Variants in CNTN3 observed in about 807,000 individuals in gnomAD.
CNTN3 encodes contactin 3, also known as contactin-3.
A neutral mutation model predicts 119.1 loss-of-function variants in CNTN3; 60 were observed. The observed-to-expected ratio is 0.50, with a 90% CI of 0.41 to 0.62. CNTN3 has a LOEUF of 0.62. Ranked by LOEUF, CNTN3 falls within the 20% of genes least tolerant of loss-of-function variation. The pLI is 0.00. For synonymous variants in CNTN3, 450 were observed against 438.7 expected (o/e 1.03, Z -0.32); for missense variants, 1,101 against 1,242.4 (o/e 0.89, Z 1.71).
intron 4 of CNTN3, among the ~76,000 whole-genome samples, chr3:74,468,651 G>A (rs1702506764): frequency 6.6e-6 from 1 of 152,068 alleles, no homozygotes; most frequent in Admixed American, 6.6e-5. Flanking sequence ...CCACAGCTGA[G>A]AACAAAACAA....
At chr3:74,546,921 AT>A (rs1434878171) in intron 1 of CNTN3, among the ~76,000 whole-genome samples, 1 of 152,094 alleles carries the variant, frequency 6.6e-6, no homozygotes, top group East Asian at 1.9e-4. Flanking sequence ...CAAGTTTTCC[AT>A]TTACTTTATT....
At chr3:74,565,637 C>A (rs1704214900) in intron 1 of CNTN3, among the ~76,000 whole-genome samples, 1 of 152,144 alleles carries the variant, frequency 6.6e-6, no homozygotes, top group Admixed American at 6.6e-5. Context: ...TTTTCACTCA[C>A]AACCTCCAAC....
At position 74,608,630 on chromosome 3, in the gene CNTN3, A is replaced by T. The variant is rs186037253; in HGVS notation, c.-81+5761T>A. 7.0e-3 allele frequency among the ~76,000 whole-genome samples: 1,072 copies of T among 152,228 alleles called. 7 individuals carry two copies. The highest frequency in any genetic ancestry group is 8.7e-3 in the Non-Finnish European group (595 of 68,012). On this transcript the variant is annotated intron_variant, in intron 1 of 22. Transcript: ENST00000263665. ...TCAACTAATGATTTGTCACTCAGAA[A>T]CTCTGCAAAATAAAATAAAATCTTT...
chr3:74,297,474 G>T (rs1409237054), intron 18 of CNTN3, among the ~76,000 whole-genome samples: 1 of 152,030 alleles, frequency 6.6e-6, no homozygotes, highest in African/African-American at 2.4e-5. Context: ...AGAGTGGGCT[G>T]GAGTGGAAAG....
intron 1 of CNTN3, among the ~76,000 whole-genome samples, chr3:74,573,874 T>C (rs1704372658): frequency 6.6e-6 from 1 of 152,136 alleles, no homozygotes; most frequent in Non-Finnish European, 1.5e-5. Flanking sequence ...GCAAACTCTC[T>C]GGAAAACAGG....
intron 1 of CNTN3, among the ~76,000 whole-genome samples, chr3:74,604,432 A>C (rs1704960755): frequency 1.3e-5 from 2 of 152,180 alleles, no homozygotes; most frequent in South Asian, 2.1e-4. Context: ...GTTAATATTC[A>C]GAATGTATAA....
At chr3:74,507,813 G>C (rs1371030161) in intron 2 of CNTN3, among the ~76,000 whole-genome samples, 1 of 151,714 alleles carries the variant, frequency 6.6e-6, no homozygotes, top group Non-Finnish European at 1.5e-5. Context: ...CTGTATTTTA[G>C]TAGAGACTGG....
rs548189770 is a variant in CNTN3 at position 74,264,715 on chromosome 3, A to T, written c.2987-214T>A. Among the ~76,000 whole-genome samples, 153 of 152,230 alleles carry T rather than the reference A, an allele frequency of 1.0e-3. 1 individual carries two copies. Among genetic ancestry groups the T allele is most frequent in the Admixed American group, 2.2e-3 (33 of 15,270 alleles). On this transcript the variant is annotated intron_variant, in intron 22 of 22. Transcript: ENST00000263665. The stretch of plus-strand genomic sequence containing the variant: ...TCTCAGACTCCCCTCCAAAACTGTG[A>T]GAATTAAGTTTCTGTTGTTTATAAG...
intron 1 of CNTN3, among the ~76,000 whole-genome samples, chr3:74,613,983 G>C (rs1348513845): frequency 6.6e-6 from 1 of 152,168 alleles, no homozygotes; most frequent in Non-Finnish European, 1.5e-5. Flanking sequence ...TCTGGGCCTG[G>C]GGGGTGGTTC....
At chr3:74,583,375 A>G (rs1409720747) in intron 1 of CNTN3, among the ~76,000 whole-genome samples, 1 of 149,872 alleles carries the variant, frequency 6.7e-6, no homozygotes, top group Non-Finnish European at 1.5e-5. Flanking sequence ...AAAAGTTCTT[A>G]GTAATTATGA....
chr3:74,420,855 G>A (rs922577077), intron 5 of CNTN3, among the ~76,000 whole-genome samples: 18 of 152,170 alleles, frequency 1.2e-4, no homozygotes, highest in Non-Finnish European at 5.9e-5. Context: ...GCAAACTCCC[G>A]AAGTGTAGCC....
chr3:74,479,448 G>A (rs983358305), intron 4 of CNTN3, among the ~76,000 whole-genome samples: 7 of 152,116 alleles, frequency 4.6e-5, no homozygotes, highest in African/African-American at 1.7e-4. Context: ...CAACAGCACA[G>A]CAAGCTAGTT....
chr3:74,552,665 C>T (rs768726624), intron 1 of CNTN3, among the ~76,000 whole-genome samples: 52 of 152,126 alleles, frequency 3.4e-4, no homozygotes, highest in Admixed American at 5.9e-4. Flanking sequence ...AAATTGTAAT[C>T]CCCACGTGTC....
chr3:74,463,895 G>GAA (rs1163854536), intron 4 of CNTN3, among the ~76,000 whole-genome samples: 1 of 152,064 alleles, frequency 6.6e-6, no homozygotes, highest in Non-Finnish European at 1.5e-5. Flanking sequence ...AAAATAAATG[G>GAA]TGGTTAGTAG....
chr3:74,409,846 G>T (rs1369983362), intron 5 of CNTN3, among the ~76,000 whole-genome samples: 1 of 152,078 alleles, frequency 6.6e-6, no homozygotes, highest in Non-Finnish European at 1.5e-5. Context: ...CCCGGAAAAT[G>T]CCTTCATTGC....
At chr3:74,451,173 C>G (rs1702146792) in intron 4 of CNTN3, among the ~76,000 whole-genome samples, 1 of 152,184 alleles carries the variant, frequency 6.6e-6, no homozygotes, top group East Asian at 1.9e-4. Flanking sequence ...TCTCCAGCAC[C>G]TGTTGTTTCC....
intron 5 of CNTN3, among the ~76,000 whole-genome samples, chr3:74,409,987 T>A (rs2106868328): frequency 6.6e-6 from 1 of 152,306 alleles, no homozygotes; most frequent in African/African-American, 2.4e-5. Flanking sequence ...CAGAAAGAAG[T>A]CATGAATTCT....
intron 5 of CNTN3, among the ~76,000 whole-genome samples, chr3:74,392,101 A>C (rs1704927130): frequency 6.6e-6 from 1 of 152,206 alleles, no homozygotes; most frequent in East Asian, 1.9e-4. Context: ...AGAGGAACTA[A>C]GAAGAAGGGG....
chr3:74,539,717 C>T lies in CNTN3; in HGVS notation c.-80-18525G>A, dbSNP rs79670182. Among the ~76,000 whole-genome samples the T allele has an allele frequency of 1.5e-3, 223 of 152,266 alleles. 3 individuals carry two copies. The East Asian group carries it at 0.038, about 26-fold the overall frequency. ...CTATTTTCACATTTGAGCTTACTGA[C>T]ACATACTTTGCTCCATTAAGGCTCT... On this transcript the variant is annotated intron_variant, in intron 1 of 22. Coordinates refer to ENST00000263665, the MANE Select transcript of CNTN3 (RefSeq NM_020872.3).
Sources: allele counts gnomAD v4.1 joint callset (sites outside exome capture counted in the v4.1 genomes callset), GRCh38; gene constraint gnomAD v4.1.1; transcripts MANE v1.5; gene names NCBI Gene and HGNC (gene_info 2026-07-23, HGNC 2026-07-21).